Variants in RARS1 observed in about 807,000 individuals in gnomAD.
RARS1 encodes the protein arginyl-tRNA synthetase 1.
Under a neutral mutation model 78.7 loss-of-function variants are expected in RARS1, and 75 were observed. The observed-to-expected ratio is 0.95, with a 90% CI of 0.79 to 1.15. The LOEUF is 1.15. RARS1 is among the 50% of genes most tolerant of loss of function. The pLI is 0.00. For missense variants in RARS1, 787 were observed against 787.5 expected, an observed-to-expected ratio of 1.00 and a Z score of 0.01; for synonymous variants, 273 against 268.2, an observed-to-expected ratio of 1.02 and a Z score of -0.18.
rs1337060667 is a variant in RARS1, at chr5:168,505,584, G to A, written c.1058-437G>A. 2.6e-5 allele frequency among the ~76,000 whole-genome samples: 4 copies of A among 151,970 alleles called. No homozygotes were observed. The East Asian group carries it at 7.7e-4, about 29-fold the overall frequency. ...CGAGCTGATGGGTTCCAACTAAAGA[G>A]TTTGGGAGGCCAGGCATGGTGGCTC... On this transcript the variant is annotated intron_variant, in intron 9 of 14. Transcript: ENST00000231572.
At chr5:168,488,146 G>A (rs1274873007) in intron 1 of RARS1, 3 of 359,140 alleles carry the variant, frequency 8.4e-6, no homozygotes. Context: ...CTTTTTTTTT[G>A]AAACAGAGTC....
intron 13 of RARS1, among the ~76,000 whole-genome samples, chr5:168,517,609 C>T (rs528557716): frequency 6.6e-6 from 1 of 152,256 alleles, no homozygotes; most frequent in South Asian, 2.1e-4. Flanking sequence ...GTCACCTGAT[C>T]CCCTAAAAGA....
intron 9 of RARS1, among the ~76,000 whole-genome samples, chr5:168,504,273 C>G (rs1316002362): frequency 6.6e-6 from 1 of 151,932 alleles, no homozygotes; most frequent in East Asian, 1.9e-4. Flanking sequence ...CACCTGTAAT[C>G]CTAGCACTTT....
chr5:168,486,948 G>C (rs1561817682), intron 1 of RARS1, among the ~76,000 whole-genome samples: 1 of 152,176 alleles, frequency 6.6e-6, no homozygotes, highest in Non-Finnish European at 1.5e-5. Flanking sequence ...CTCAGCCGCA[G>C]TTCTTCCCGG....
At chr5:168,500,790 G>T in intron 8 of RARS1, 70 bp downstream of exon 8, 1 of 1,516,928 alleles carries the variant, frequency 6.6e-7, no homozygotes, top group South Asian at 1.3e-5. Flanking sequence ...TCTTCATTTT[G>T]ATTTGACTTT....
In RARS1 at chr5:168,513,905, T is replaced by G. The variant is rs151182432; in HGVS notation, c.1453-2873T>G. 2.9e-3 allele frequency among the ~76,000 whole-genome samples: 439 copies of G among 152,308 alleles called. 2 individuals carry two copies. Among genetic ancestry groups the G allele is most frequent in the African/African-American group, 9.5e-3 (393 of 41,558 alleles). On this transcript the variant is annotated intron_variant, in intron 12 of 14. Transcript: ENST00000231572. ...AAATGTCTTTGTTATGCCTTCAGTTTTGCACAATGTTTTTATTGGGTATAG... is the reference window on the plus strand; with the variant it reads ...AAATGTCTTTGTTATGCCTTCAGTTGTGCACAATGTTTTTATTGGGTATAG...
intron 5 of RARS1, 25 bp from the exon 6 acceptor site, chr5:168,495,290 G>T: frequency 6.2e-7 from 1 of 1,610,300 alleles, no homozygotes; most frequent in Non-Finnish European, 8.5e-7. Flanking sequence ...CCTCTTAACA[G>T]CCTTTCTCTT....
chr5:168,517,675 C>T, intron 13 of RARS1, 140 bp from the exon 14 acceptor site: 2 of 1,104,920 alleles, frequency 1.8e-6, no homozygotes, highest in South Asian at 3.6e-5. Flanking sequence ...ATTAGTTTTG[C>T]CTAATAGTAT....
chr5:168,516,701 C>A (rs1410160639), intron 12 of RARS1, 77 bp from the exon 13 acceptor site: 1 of 1,400,364 alleles, frequency 7.1e-7, no homozygotes, highest in Non-Finnish European at 9.9e-7. Context: ...TTCCCTACCC[C>A]AGTCTTATGC....
chr5:168,516,994 C>A, intron 13 of RARS1, 44 bp downstream of exon 13: 1 of 1,535,240 alleles, frequency 6.5e-7, no homozygotes, highest in Non-Finnish European at 8.9e-7. Flanking sequence ...CAAATGAAAG[C>A]ATATTTAGTT....
Position 168,492,837 on chromosome 5 carries a change from G to A in RARS1, c.359G>A (p.Gly120Asp). Residue 120 changes from glycine (G) to aspartate (D), a missense_variant, in exon 3 of 15, where the codon GGT becomes GAT. Gly to Asp is a moderately conservative substitution (Grantham distance 94, BLOSUM62 -1). Coordinates refer to ENST00000231572, the MANE Select transcript of RARS1 (RefSeq NM_002887.4). ...FGDYQCNSAMGISQMLKTKEQ... is the reference protein window; with the variant it reads ...FGDYQCNSAMDISQMLKTKEQ... ...GACTATCAGTGTAATAGTGCTATGG[G>A]TATTTCTCAGGTGATGTATTGTCAT... 6.2e-7 allele frequency: 1 copy of A among 1,602,310 alleles called. No individual in the cohort carries two copies. The highest frequency in any genetic ancestry group is 8.5e-7 in the Non-Finnish European group (1 of 1,170,150).
At chr5:168,488,124 CT>C in intron 1 of RARS1, 1 of 367,070 alleles carries the variant, frequency 2.7e-6, no homozygotes, top group South Asian at 2.1e-5. Flanking sequence ...TTAATATATT[CT>C]TTTTCTTTTT....
At chr5:168,491,505 T>A (rs1758082389) in intron 2 of RARS1, among the ~76,000 whole-genome samples, 1 of 152,218 alleles carries the variant, frequency 6.6e-6, no homozygotes, top group South Asian at 2.1e-4. Flanking sequence ...AGCTACAAAC[T>A]TGAAATCAGG....
intron 14 of RARS1, 93 bp from the exon 15 acceptor site, chr5:168,518,988 T>G: frequency 9.5e-7 from 1 of 1,051,414 alleles, no homozygotes; most frequent in Non-Finnish European, 1.4e-6. Context: ...GACTATGCAC[T>G]TCTAACTAAA....
At position 168,497,367 on chromosome 5, in the gene RARS1, T is replaced by C. The variant is rs750973595; in HGVS notation, c.822+19T>C. On this transcript the variant is annotated intron_variant, in intron 7 of 14. Transcript: ENST00000231572. ...TTATAAGGTTTGATACCATTTCTTT[T>C]ATATTATGTGTGTGTTTACCATTAA... 2 of 1,523,038 alleles carry C rather than the reference T, an allele frequency of 1.3e-6. No individual in the cohort carries two copies. The highest frequency in any genetic ancestry group is 1.8e-6 in the Non-Finnish European group (2 of 1,129,634). The allele number at this position is 1,523,038 out of a possible 1,614,324, so 94.3% of individuals were successfully genotyped here.
At chr5:168,497,775 G>A (rs991295862) in intron 7 of RARS1, among the ~76,000 whole-genome samples, 1 of 151,752 alleles carries the variant, frequency 6.6e-6, no homozygotes, top group Admixed American at 6.6e-5. Context: ...ATTTGGTTGT[G>A]TGCCTTAGAA....
Position 168,500,659 on chromosome 5 carries a change from C to G in RARS1, c.891C>G (p.Leu297=). 1 of 1,610,566 alleles carries G rather than the reference C, an allele frequency of 6.2e-7. No individual in the cohort carries two copies. The highest frequency in any genetic ancestry group is 8.5e-7 in the Non-Finnish European group (1 of 1,178,994). ...GAGCATATCAGTGTGTAGTTCTGCT[C>G]CAGGGTAAAAACCCAGATATTACAA... The part of the protein sequence containing the change: ...KKRAYQCVVL[L]QGKNPDITKA... The change falls in exon 8 of 15, where the codon CTC becomes CTG. Residue 297 remains leucine (L), a synonymous_variant. Transcript: ENST00000231572.
chr5:168,492,217 C>T (rs1392028723), intron 2 of RARS1, among the ~76,000 whole-genome samples: 1 of 152,142 alleles, frequency 6.6e-6, no homozygotes, highest in Non-Finnish European at 1.5e-5. Context: ...ATTAATATTA[C>T]CTGCTTTGCT....
In RARS1 at chr5:168,502,072, A is replaced by G; in HGVS notation, c.1024A>G (p.Met342Val). Residue 342 changes from methionine to valine, a missense_variant, in exon 9 of 15, where the codon ATG (methionine) becomes GTG (valine). By Grantham distance (21) the Met-to-Val change is conservative. Transcript: ENST00000231572. ...AGGGGAATCCTTCTATCAAGATAGG[A>G]TGAATGATATTGTAAAGGAATTTGA... ...ERGESFYQDR[M>V]NDIVKEFEDR... The G allele has an allele frequency of 6.2e-7, 1 of 1,603,844 alleles. No homozygotes were observed. The highest frequency in any genetic ancestry group is 8.5e-7 in the Non-Finnish European group (1 of 1,175,276).
Sources: allele counts gnomAD v4.1 joint callset (sites outside exome capture counted in the v4.1 genomes callset), GRCh38; gene constraint gnomAD v4.1.1; transcripts MANE v1.5; gene names NCBI Gene and HGNC (gene_info 2026-07-23, HGNC 2026-07-21).